MEOX2: variants seen among roughly 807,000 people sequenced by gnomAD.
MEOX2 encodes mesenchyme homeobox 2.
Under a neutral mutation model 27.0 loss-of-function variants are expected in MEOX2, and 11 were observed. That is an observed-to-expected ratio of 0.41 (90% CI 0.26 to 0.68). The LOEUF is 0.68. Among genes scored for constraint, MEOX2 ranks in the 30% least tolerant of loss-of-function variants. MEOX2 has a pLI of 0.33. For missense variants in MEOX2, 436 were observed against 385.4 expected (o/e 1.13, Z -1.10); for synonymous variants, 189 against 155.4 (o/e 1.22, Z -1.61).
At chr7:15,666,100 A>C (rs1236346751) in intron 1 of MEOX2, among the ~76,000 whole-genome samples, 1 of 152,160 alleles carries the variant, frequency 6.6e-6, no homozygotes, top group East Asian at 1.9e-4. Flanking sequence ...ATGGAAATAA[A>C]GGAAGAAATG....
chr7:15,679,389 TA>T (rs2115396562), intron 1 of MEOX2: 1 of 152,228 alleles, frequency 6.6e-6, no homozygotes, highest in South Asian at 2.1e-4. Flanking sequence ...CTTATAATCA[TA>T]ATTTTAATCA....
intron 1 of MEOX2, chr7:15,680,565 T>A (rs545669945): frequency 6.6e-6 from 1 of 152,042 alleles, no homozygotes; most frequent in Admixed American, 6.6e-5. Context: ...CTAACTTTAC[T>A]TTACACCGTT....
intron 1 of MEOX2, among the ~76,000 whole-genome samples, chr7:15,653,377 C>A (rs556113653): frequency 1.3e-5 from 2 of 151,866 alleles, no homozygotes; most frequent in Admixed American, 6.6e-5. Context: ...TTTTGATGTT[C>A]GTCCTTTATC....
rs761365312 is a variant in MEOX2 at position 15,612,496 on chromosome 7, G to A, written c.806C>T (p.Pro269Leu). The A allele has an allele frequency of 1.2e-6, 2 of 1,614,132 alleles. No homozygotes were observed. Among genetic ancestry groups the A allele is most frequent in the South Asian group, 1.1e-5 (1 of 91,074 alleles). The change falls in exon 3 of 3, where the codon CCA (proline) becomes CTA (leucine). Residue 269 changes from proline to leucine, a missense_variant. Physicochemically the swap from Pro to Leu is moderately conservative, Grantham distance 98 (BLOSUM62 -3). Transcript: ENST00000262041. Reference sequence around the variant, plus strand: ...TGCACCAATTCCCGACAGCTCTGATGGGAGAAGTGTTCCCTTTTTCACATT... The same window carrying A: ...TGCACCAATTCCCGACAGCTCTGATAGGAGAAGTGTTCCCTTTTTCACATT... ...LVNVKKGTLL[P>L]SELSGIGAAT...
In MEOX2 at chr7:15,685,910, C is replaced by T. The variant is rs373439702; in HGVS notation, c.493G>A (p.Gly165Ser). Reference sequence around the variant, plus strand: ...CCTGAGCTGTCGCTTTTCCTCTTGCCGCCGCTTCGCTTCTCCGCCTCCGCA... The same window carrying T: ...CCTGAGCTGTCGCTTTTCCTCTTGCTGCCGCTTCGCTTCTCCGCCTCCGCA... ...SPAEAEKRSG[G>S]KRKSDSSDSQ... The change falls in exon 1 of 3, where the codon GGC (glycine) becomes AGC (serine). Residue 165 changes from glycine to serine, a missense_variant. By Grantham distance (56) the Gly-to-Ser change is moderately conservative (BLOSUM62 0). Coordinates refer to ENST00000262041, the MANE Select transcript of MEOX2 (RefSeq NM_005924.5). 61 of 1,606,216 alleles carry T rather than the reference C, an allele frequency of 3.8e-5. No individual in the cohort carries two copies. Among genetic ancestry groups the T allele is most frequent in the Non-Finnish European group, 5.0e-5 (59 of 1,176,866 alleles).
chr7:15,643,824 C>A (rs766468586), intron 1 of MEOX2, among the ~76,000 whole-genome samples: 8 of 152,186 alleles, frequency 5.3e-5, no homozygotes, highest in Non-Finnish European at 1.0e-4. Context: ...CATTTTCATG[C>A]CCCTATGCAG....
intron 1 of MEOX2, among the ~76,000 whole-genome samples, chr7:15,668,502 G>C (rs1244779493): frequency 1.3e-5 from 2 of 151,896 alleles, no homozygotes; most frequent in Non-Finnish European, 2.9e-5. Context: ...TTTCTTTTGA[G>C]ACAGAGTTTT....
At chr7:15,658,990 G>A (rs1413802620) in intron 1 of MEOX2, among the ~76,000 whole-genome samples, 1 of 151,954 alleles carries the variant, frequency 6.6e-6, no homozygotes, top group Non-Finnish European at 1.5e-5. Context: ...TACATATAAT[G>A]TCCAATGAGC....
chr7:15,612,727 C>T (rs1475001515), intron 2 of MEOX2, 116 bp from the exon 3 acceptor site: 3 of 723,398 alleles, frequency 4.1e-6, no homozygotes, highest in Non-Finnish European at 7.0e-6. Context: ...ACAAAGACAC[C>T]ATGAAGGAGT....
In MEOX2 at chr7:15,626,862, T is replaced by G; in HGVS notation, c.574A>C (p.Thr192Pro). ...EVNSKPRKER[T>P]AFTKEQIREL... ...CTGATTTGCTCTTTGGTAAATGCTG[T>G]CCTTTCTTTCCTGGGTTTGCTGTTG... Residue 192 changes from threonine to proline, a missense_variant, in exon 2 of 3, where the codon ACA becomes CCA. By Grantham distance (38) the Thr-to-Pro change is conservative (BLOSUM62 -1). Coordinates refer to ENST00000262041, the MANE Select transcript of MEOX2 (RefSeq NM_005924.5). 6.2e-7 allele frequency: 1 copy of G among 1,612,278 alleles called. No individual in the cohort carries two copies. The highest frequency in any genetic ancestry group is 8.5e-7 in the Non-Finnish European group (1 of 1,179,398).
intron 2 of MEOX2, among the ~76,000 whole-genome samples, chr7:15,621,687 G>A (rs1157289328): frequency 6.6e-6 from 1 of 152,152 alleles, no homozygotes; most frequent in Non-Finnish European, 1.5e-5. Flanking sequence ...TAAGGTAGGG[G>A]TAGCCACAAA....
intron 2 of MEOX2, among the ~76,000 whole-genome samples, chr7:15,613,538 TC>T (rs1781068262): frequency 6.6e-6 from 1 of 152,224 alleles, no homozygotes; most frequent in South Asian, 2.1e-4. Context: ...AGCAAAGTGT[TC>T]TTTTTACATT....
At chr7:15,618,003 G>A (rs1489415055) in intron 2 of MEOX2, among the ~76,000 whole-genome samples, 1 of 152,016 alleles carries the variant, frequency 6.6e-6, no homozygotes, top group East Asian at 1.9e-4. Flanking sequence ...CGACAGATTT[G>A]AATCTCACAG....
intron 1 of MEOX2, among the ~76,000 whole-genome samples, chr7:15,668,961 T>C (rs1241958095): frequency 6.6e-6 from 1 of 152,190 alleles, no homozygotes; most frequent in African/African-American, 2.4e-5. Context: ...TGGTTTCTAT[T>C]TAAAACATCA....
chr7:15,673,826 T>C (rs75852371), intron 1 of MEOX2, among the ~76,000 whole-genome samples: 2 of 152,110 alleles, frequency 1.3e-5, no homozygotes, highest in Admixed American at 1.3e-4. Flanking sequence ...TGTAGAAAAC[T>C]TGAATGTAGC....
chr7:15,634,554 C>A (rs145194932), intron 1 of MEOX2, among the ~76,000 whole-genome samples: 105 of 152,096 alleles, frequency 6.9e-4, no homozygotes, highest in African/African-American at 2.4e-3. Flanking sequence ...TTGGTTAAAT[C>A]TGGCAATCCT....
At chr7:15,629,606 G>A (rs1008152430) in intron 1 of MEOX2, among the ~76,000 whole-genome samples, 7 of 152,056 alleles carry the variant, frequency 4.6e-5, no homozygotes, top group African/African-American at 1.4e-4. Flanking sequence ...GAGAGAGAAC[G>A]TTCATGTAGT....
chr7:15,650,663 T>A (rs993514421), intron 1 of MEOX2, among the ~76,000 whole-genome samples: 2 of 152,042 alleles, frequency 1.3e-5, no homozygotes, highest in African/African-American at 4.8e-5. Flanking sequence ...TATCATTGTA[T>A]ACAGGAGAGA....
At chr7:15,625,445 G>C (rs1781288592) in intron 2 of MEOX2, among the ~76,000 whole-genome samples, 1 of 152,180 alleles carries the variant, frequency 6.6e-6, no homozygotes. Flanking sequence ...ACAGAAAAGT[G>C]TTCCTCTGTA....
Sources: gnomAD v4.1 joint callset for allele counts (sites outside exome capture counted in the v4.1 genomes callset) on GRCh38, gnomAD v4.1.1 for gene constraint, MANE v1.5 for transcripts, NCBI Gene and HGNC (gene_info 2026-07-23, HGNC 2026-07-21) for gene names.